ADAM10: variants seen among roughly 807,000 people sequenced by gnomAD.
ADAM10 encodes the protein ADAM metallopeptidase domain 10.
Under a neutral mutation model 90.1 loss-of-function variants are expected in ADAM10, and 17 were observed. The observed-to-expected ratio is 0.19, with a 90% CI of 0.13 to 0.28. The LOEUF is 0.28. Ranked by LOEUF, ADAM10 falls within the 10% of genes least tolerant of loss-of-function variation. The probability of loss-of-function intolerance (pLI) is 1.00; values close to 1 mark genes in which losing one functional copy is unlikely to be tolerated. For synonymous variants in ADAM10, 310 were observed against 298.6 expected (o/e 1.04, Z -0.40); for missense variants, 610 against 914.3 (o/e 0.67, Z 4.29).
At chr15:58,692,937 G>C (rs747958873) in intron 2 of ADAM10, 3 of 715,618 alleles carry the variant, frequency 4.2e-6, no homozygotes, top group Non-Finnish European at 7.9e-6. Context: ...TGCCTGTGTT[G>C]ACCAAAGTCA....
intron 2 of ADAM10, among the ~76,000 whole-genome samples, chr15:58,701,328 T>C (rs898015883): frequency 2.5e-4 from 38 of 151,974 alleles, no homozygotes; most frequent in African/African-American, 8.9e-4. Context: ...TTTGTGTCCT[T>C]TGAGATGAAA....
chr15:58,706,698 C>G (rs1898299590), intron 2 of ADAM10, among the ~76,000 whole-genome samples: 1 of 152,058 alleles, frequency 6.6e-6, no homozygotes, highest in South Asian at 2.1e-4. Context: ...GTACACCCCA[C>G]CAGGCATCTT....
intron 2 of ADAM10, among the ~76,000 whole-genome samples, chr15:58,688,587 T>C (rs1185205318): frequency 1.3e-5 from 2 of 151,232 alleles, no homozygotes; most frequent in African/African-American, 4.9e-5. Context: ...TTAGTGTCTA[T>C]ATATTGTAAA....
At chr15:58,652,010 C>G (rs572007409) in intron 5 of ADAM10, among the ~76,000 whole-genome samples, 1 of 152,254 alleles carries the variant, frequency 6.6e-6, no homozygotes, top group African/African-American at 2.4e-5. Flanking sequence ...TGATGTTGAG[C>G]ACCTTTTCAT....
At chr15:58,641,960 C>T (rs1384979906) in intron 7 of ADAM10, among the ~76,000 whole-genome samples, 2 of 152,170 alleles carry the variant, frequency 1.3e-5, no homozygotes, top group Non-Finnish European at 2.9e-5. Context: ...TTGAGGGCAA[C>T]TGCTTAAGAA....
Position 58,610,131 on chromosome 15 carries a change from C to T in ADAM10, c.2025+166G>A, listed in dbSNP as rs575088902. The T allele has an allele frequency of 5.7e-6, 4 of 704,976 alleles. No homozygotes were observed. In the Admixed American group the frequency reaches 8.6e-5, roughly 15 times the overall value. The allele number at this position is 704,976 out of a possible 1,614,324, so 43.7% of individuals were successfully genotyped here. A position where few individuals can be genotyped will look rare whatever the true frequency, so the allele number is the denominator to read the frequency against. On this transcript the variant is annotated intron_variant, in intron 14 of 15. Coordinates refer to ENST00000260408, the MANE Select transcript of ADAM10 (RefSeq NM_001110.4). ...ATGATACACATGATTCTGATCACTT[C>T]AGAAGGAAATAATAACCAGAAATAT...
chr15:58,610,954 T>G (rs370210608), intron 13 of ADAM10, 45 bp downstream of exon 13: 6 of 1,431,560 alleles, frequency 4.2e-6, no homozygotes, highest in Non-Finnish European at 5.9e-6. Context: ...GAGAAAATAA[T>G]AGTTTGAGGC....
intron 8 of ADAM10, among the ~76,000 whole-genome samples, chr15:58,634,647 T>A (rs1426714827): frequency 6.6e-6 from 1 of 152,208 alleles, no homozygotes. Flanking sequence ...TATTTTCTTT[T>A]AATTAACTTT....
intron 2 of ADAM10, among the ~76,000 whole-genome samples, chr15:58,684,499 T>C (rs533405879): frequency 6.6e-6 from 1 of 152,296 alleles, no homozygotes; most frequent in East Asian, 1.9e-4. Context: ...GACAGGAGAT[T>C]AAGCTCTATA....
At chr15:58,622,086 A>G (rs1419489960) in intron 10 of ADAM10, among the ~76,000 whole-genome samples, 1 of 152,230 alleles carries the variant, frequency 6.6e-6, no homozygotes, top group East Asian at 1.9e-4. Context: ...TTTAACAACT[A>G]TCAACAACAA....
intron 11 of ADAM10, among the ~76,000 whole-genome samples, chr15:58,619,736 C>A (rs1386359386): frequency 2.6e-5 from 4 of 151,988 alleles, no homozygotes; most frequent in African/African-American, 9.7e-5. Context: ...AAGCCCATCT[C>A]TACTAAAAAT....
intron 2 of ADAM10, chr15:58,686,422 G>A: frequency 7.6e-7 from 1 of 1,314,694 alleles, no homozygotes; most frequent in Non-Finnish European, 1.1e-6. Context: ...TGTCCTCTGG[G>A]GCTAGCGCGA....
At chr15:58,722,164 AC>A (rs1898876708) in intron 1 of ADAM10, among the ~76,000 whole-genome samples, 1 of 151,926 alleles carries the variant, frequency 6.6e-6, no homozygotes, top group Non-Finnish European at 1.5e-5. Flanking sequence ...ACATGGTGAA[AC>A]CCCCGTCTCC....
At chr15:58,670,816 T>G (rs190920467) in intron 4 of ADAM10, among the ~76,000 whole-genome samples, 3 of 152,272 alleles carry the variant, frequency 2.0e-5, no homozygotes, top group African/African-American at 7.2e-5. Context: ...ATTTTTATTT[T>G]TACTTTTTAT....
At chr15:58,619,552 C>T (rs1032877283) in intron 11 of ADAM10, among the ~76,000 whole-genome samples, 1 of 152,112 alleles carries the variant, frequency 6.6e-6, no homozygotes, top group African/African-American at 2.4e-5. Flanking sequence ...ATATTGTATG[C>T]ATGTATCAAA....
At chr15:58,629,780 C>CTT (rs112141656) in intron 9 of ADAM10, among the ~76,000 whole-genome samples, 8 of 149,862 alleles carry the variant, frequency 5.3e-5, no homozygotes, top group South Asian at 2.1e-4. Context: ...ACAGTTATAA[C>CTT]TTTTTTTTTT....
At chr15:58,659,509 T>G (rs1044420009) in intron 5 of ADAM10, among the ~76,000 whole-genome samples, 7 of 152,208 alleles carry the variant, frequency 4.6e-5, no homozygotes, top group Non-Finnish European at 7.3e-5. Flanking sequence ...TGTGGTGGAT[T>G]ACACAAATTT....
chr15:58,727,248 C>T (rs1245159350), intron 1 of ADAM10, among the ~76,000 whole-genome samples: 4 of 143,822 alleles, frequency 2.8e-5, no homozygotes, highest in African/African-American at 5.2e-5. Context: ...CGTAGCGCAA[C>T]GGCGCAATCT....
At chr15:58,665,344 G>T (rs1897054856) in intron 4 of ADAM10, 147 bp from the exon 5 acceptor site, 1 of 679,098 alleles carries the variant, frequency 1.5e-6, no homozygotes, top group African/African-American at 1.8e-5. Flanking sequence ...ATTATGCTAG[G>T]CATTTTAATG....
Sources: allele counts gnomAD v4.1 joint callset (sites outside exome capture counted in the v4.1 genomes callset), GRCh38; gene constraint gnomAD v4.1.1; transcripts MANE v1.5; gene names NCBI Gene and HGNC (gene_info 2026-07-23, HGNC 2026-07-21).